Variants in GRB14 observed in about 807,000 individuals in gnomAD.
The protein encoded by GRB14 is growth factor receptor bound protein 14.
A neutral mutation model predicts 69.1 loss-of-function variants in GRB14; 38 were observed. The ratio of observed to expected loss-of-function variants is 0.55; its 90% confidence interval spans 0.42 to 0.72. GRB14 has a LOEUF of 0.72. Ranked by LOEUF, GRB14 falls within the 30% of genes least tolerant of loss-of-function variation. The probability of loss-of-function intolerance (pLI) is 0.00; values close to 1 mark genes in which losing one functional copy is unlikely to be tolerated. For synonymous variants in GRB14, 247 were observed against 241.3 expected, an observed-to-expected ratio of 1.02 and a Z score of -0.22; for missense variants, 666 against 666.1, an observed-to-expected ratio of 1.00 and a Z score of 0.00.
intron 4 of GRB14, among the ~76,000 whole-genome samples, chr2:164,525,412 G>A (rs1041171973): frequency 1.3e-5 from 2 of 152,028 alleles, no homozygotes; most frequent in Admixed American, 1.3e-4. Context: ...AGGTCAAAAG[G>A]ACTATCCATG....
intron 2 of GRB14, among the ~76,000 whole-genome samples, chr2:164,559,176 C>T (rs1487409203): frequency 6.6e-6 from 1 of 152,162 alleles, no homozygotes; most frequent in Admixed American, 6.5e-5. Flanking sequence ...CAAAACATCA[C>T]TTTCTAGATC....
intron 2 of GRB14, among the ~76,000 whole-genome samples, chr2:164,579,350 A>T (rs1689335019): frequency 6.6e-6 from 1 of 152,242 alleles, no homozygotes; most frequent in South Asian, 2.1e-4. Context: ...CATTTAAGAA[A>T]GATGAGTAAA....
At chr2:164,505,726 C>T (rs562313948) in intron 8 of GRB14, among the ~76,000 whole-genome samples, 3 of 152,000 alleles carry the variant, frequency 2.0e-5, no homozygotes, top group African/African-American at 7.2e-5. Context: ...TGAGTGTATA[C>T]AAACAAAAGT....
Position 164,502,277 on chromosome 2 carries a change from C to T in GRB14, c.1082G>A (p.Ser361Asn), listed in dbSNP as rs916513869. 1 of 1,603,414 alleles carries T rather than the reference C, an allele frequency of 6.2e-7. No individual in the cohort carries two copies. Among genetic ancestry groups the T allele is most frequent in the Non-Finnish European group, 8.5e-7 (1 of 1,171,010 alleles). Residue 361 changes from serine (S) to asparagine (N), a missense_variant, in exon 9 of 14, where the codon AGT (serine) becomes AAT (asparagine). Transcript: ENST00000263915. Reference sequence around the variant, plus strand: ...TACCATAGGTGATATGCTCTGTGAACTGCAGCCACTTCTACCTTGATATGG... The same window carrying T: ...TACCATAGGTGATATGCTCTGTGAATTGCAGCCACTTCTACCTTGATATGG... ...MHPYQGRSGC[S>N]SQSISPMRSI...
chr2:164,565,278 T>TCACA (rs145190294), intron 2 of GRB14, among the ~76,000 whole-genome samples: 7,855 of 125,758 alleles, frequency 0.062, 545 homozygotes, highest in African/African-American at 0.17. Flanking sequence ...TATCACACAC[T>TCACA]CACACACACA....
intron 2 of GRB14, among the ~76,000 whole-genome samples, chr2:164,607,946 G>C (rs764424775): frequency 4.6e-4 from 70 of 152,008 alleles, no homozygotes; most frequent in Non-Finnish European, 6.2e-4. Context: ...AAAGTTTAAG[G>C]CTTCAGATTT....
intron 3 of GRB14, among the ~76,000 whole-genome samples, chr2:164,534,932 A>C (rs1300084644): frequency 6.6e-6 from 1 of 152,198 alleles, no homozygotes; most frequent in Non-Finnish European, 1.5e-5. Context: ...ATAATAAAAC[A>C]TGTTATTAAA....
chr2:164,568,037 A>G (rs1251851848), intron 2 of GRB14, among the ~76,000 whole-genome samples: 1 of 152,190 alleles, frequency 6.6e-6, no homozygotes, highest in Non-Finnish European at 1.5e-5. Flanking sequence ...AAAAAAAGGA[A>G]AAGTTTCAAT....
intron 2 of GRB14, among the ~76,000 whole-genome samples, chr2:164,609,703 A>G (rs958371101): frequency 3.9e-5 from 6 of 152,214 alleles, no homozygotes; most frequent in Non-Finnish European, 7.3e-5. Context: ...CATTTCAGCA[A>G]TCAATATTTC....
chr2:164,590,557 G>A (rs1016927156), intron 2 of GRB14, among the ~76,000 whole-genome samples: 8 of 152,138 alleles, frequency 5.3e-5, no homozygotes, highest in Admixed American at 4.6e-4. Context: ...TTTGGGGGAA[G>A]GAAACAATGA....
chr2:164,584,093 C>T (rs1184425059), intron 2 of GRB14, among the ~76,000 whole-genome samples: 4 of 146,060 alleles, frequency 2.7e-5, no homozygotes, highest in Non-Finnish European at 6.0e-5. Flanking sequence ...TCAAGCAATT[C>T]TCCTGCCTCA....
chr2:164,550,470 A>G (rs1256900819), intron 2 of GRB14, among the ~76,000 whole-genome samples: 2 of 152,222 alleles, frequency 1.3e-5, no homozygotes, highest in African/African-American at 4.8e-5. Context: ...ATTCTGTCCT[A>G]TCTTTTAAAA....
intron 12 of GRB14, among the ~76,000 whole-genome samples, chr2:164,496,346 A>G (rs1686892612): frequency 6.6e-6 from 1 of 152,184 alleles, no homozygotes; most frequent in African/African-American, 2.4e-5. Flanking sequence ...TATCTGAAAC[A>G]CTGAGTAATT....
chr2:164,593,970 A>G (rs1479314133), intron 2 of GRB14, among the ~76,000 whole-genome samples: 1 of 152,226 alleles, frequency 6.6e-6, no homozygotes, highest in Admixed American at 6.5e-5. Context: ...AAAGAGCATA[A>G]TCATAACACA....
chr2:164,589,222 G>T (rs1320669705), intron 2 of GRB14, among the ~76,000 whole-genome samples: 2 of 152,096 alleles, frequency 1.3e-5, no homozygotes, highest in African/African-American at 4.8e-5. Flanking sequence ...TCAAGAAACT[G>T]TCCTATGTGA....
At position 164,502,335 on chromosome 2, in the gene GRB14, A is replaced by G; in HGVS notation, c.1024T>C (p.Tyr342His). The G allele has an allele frequency of 1.3e-6, 2 of 1,531,148 alleles. No homozygotes were observed. Among genetic ancestry groups the G allele is most frequent in the East Asian group, 2.3e-5 (1 of 44,372 alleles). 94.8% of individuals were successfully genotyped at this position (1,531,148 alleles called of 1,614,324 possible). A position where few individuals can be genotyped will look rare whatever the true frequency, so the allele number is the denominator to read the frequency against. The stretch of plus-strand genomic sequence containing the variant: ...TAATTCTGGTACAGCTGCATGCCAT[A>G]CTGCAGAATAAATAAATAAAACACA... ...CWVTAIRLLK[Y>H]GMQLYQNYMH... Residue 342 changes from tyrosine (Y) to histidine (H), a missense_variant and splice_region_variant, in exon 9 of 14, where the codon TAT (tyrosine) becomes CAT (histidine). Coordinates refer to ENST00000263915, the MANE Select transcript of GRB14 (RefSeq NM_004490.3).
At chr2:164,532,332 T>G (rs1444856735) in intron 3 of GRB14, among the ~76,000 whole-genome samples, 1 of 152,216 alleles carries the variant, frequency 6.6e-6, no homozygotes, top group Non-Finnish European at 1.5e-5. Flanking sequence ...ATACAGTAAT[T>G]TCTGCATGTC....
At chr2:164,585,004 T>C (rs990535687) in intron 2 of GRB14, among the ~76,000 whole-genome samples, 12 of 148,448 alleles carry the variant, frequency 8.1e-5, no homozygotes, top group Non-Finnish European at 1.5e-4. Flanking sequence ...TGCAGTGGTG[T>C]GGTCTTGGCT....
intron 2 of GRB14, among the ~76,000 whole-genome samples, chr2:164,617,391 A>G (rs139177350): frequency 2.0e-5 from 3 of 152,134 alleles, no homozygotes; most frequent in Admixed American, 6.5e-5. Context: ...GTCAATAACA[A>G]TATCACCTTT....
Sources: allele counts gnomAD v4.1 joint callset (sites outside exome capture counted in the v4.1 genomes callset), GRCh38; gene constraint gnomAD v4.1.1; transcripts MANE v1.5; gene names NCBI Gene and HGNC (gene_info 2026-07-23, HGNC 2026-07-21).